The following PSMA8 variants were observed in gnomAD, a reference collection of about 807,000 sequenced individuals.
PSMA8 encodes the protein proteasome 20S subunit alpha 8.
PSMA8 carries 18 observed loss-of-function variants against 32.4 expected under a neutral mutation model. That is an observed-to-expected ratio of 0.56 (90% CI 0.38 to 0.82). The LOEUF is 0.82. Among genes scored for constraint, PSMA8 ranks in the 40% least tolerant of loss-of-function variants. The probability of loss-of-function intolerance (pLI) is 0.00; values close to 1 mark genes in which losing one functional copy is unlikely to be tolerated. For missense variants in PSMA8, 298 were observed against 300.7 expected (o/e 0.99, Z 0.07); for synonymous variants, 104 against 98.1 (o/e 1.06, Z -0.36).
intron 4 of PSMA8, among the ~76,000 whole-genome samples, chr18:26,174,039 T>C (rs2055245759): frequency 6.6e-6 from 1 of 152,182 alleles, no homozygotes; most frequent in African/African-American, 2.4e-5. Context: ...TCTTACAGCT[T>C]TTTAAAATTG....
At chr18:26,134,230 A>T (rs577365038) in intron 1 of PSMA8, among the ~76,000 whole-genome samples, 163 bp downstream of exon 1, 2 of 152,160 alleles carry the variant, frequency 1.3e-5, no homozygotes, top group East Asian at 3.9e-4. Context: ...AGACTTCTAG[A>T]TTTGGGCCGG....
intron 3 of PSMA8, among the ~76,000 whole-genome samples, chr18:26,152,602 G>T (rs1409699773): frequency 6.6e-6 from 1 of 152,054 alleles, no homozygotes; most frequent in Non-Finnish European, 1.5e-5. Context: ...TGGGATTATA[G>T]GCATGAGCCA....
At chr18:26,134,130 C>T in intron 1 of PSMA8, 63 bp downstream of exon 1, 2 of 1,182,414 alleles carry the variant, frequency 1.7e-6, no homozygotes, top group Non-Finnish European at 2.5e-6. Context: ...CGTTACCCTG[C>T]TGCCCCAGCC....
intron 1 of PSMA8, among the ~76,000 whole-genome samples, chr18:26,137,750 GA>G (rs1389572861): frequency 6.6e-6 from 1 of 152,110 alleles, no homozygotes; most frequent in Non-Finnish European, 1.5e-5. Flanking sequence ...CCTGTCCTTA[GA>G]GATCCTACTA....
intron 6 of PSMA8, among the ~76,000 whole-genome samples, chr18:26,188,480 A>G (rs2055374739): frequency 6.6e-6 from 1 of 152,132 alleles, no homozygotes; most frequent in African/African-American, 2.4e-5. Context: ...TCACAGAAAT[A>G]TAAAAAAAAA....
intron 3 of PSMA8, among the ~76,000 whole-genome samples, chr18:26,155,099 G>A (rs2055078144): frequency 6.6e-6 from 1 of 152,070 alleles, no homozygotes; most frequent in Admixed American, 6.6e-5. Context: ...GCTGGATGTG[G>A]TGGTGCGCAC....
chr18:26,186,647 C>T, intron 6 of PSMA8, among the ~76,000 whole-genome samples: 1 of 152,134 alleles, frequency 6.6e-6, no homozygotes, highest in East Asian at 1.9e-4. Context: ...ATATGTACTT[C>T]TTAAATCACT....
chr18:26,150,724 T>C (rs544927090), intron 2 of PSMA8, among the ~76,000 whole-genome samples: 25 of 152,354 alleles, frequency 1.6e-4, no homozygotes, highest in African/African-American at 6.0e-4. Context: ...GACAAACTTA[T>C]CACTATTTTT....
At position 26,144,604 on chromosome 18, in the gene PSMA8, A is replaced by T. The variant is rs754684950; in HGVS notation, c.148A>T (p.Lys50Ter). 6.2e-7 allele frequency: 1 copy of T among 1,613,764 alleles called. No homozygotes were observed. The change falls in exon 2 of 7, where the codon AAA becomes TAA. Residue 50 changes from lysine (K) to a stop codon, truncating the protein, a stop_gained. Transcript: ENST00000415576. LOFTEE classifies it high-confidence loss of function. ...TNIVVLGVEK[K>*]SVAKLQDERT... The stretch of plus-strand genomic sequence containing the variant: ...TATAGTTGTTCTTGGGGTAGAAAAA[A>T]AATCTGTTGCCAAGCTTCAAGATGA...
intron 4 of PSMA8, 48 bp downstream of exon 4, chr18:26,158,292 C>A (rs2055107431): frequency 7.0e-7 from 1 of 1,425,986 alleles, no homozygotes; most frequent in African/African-American, 1.4e-5. Context: ...AGTAAATATT[C>A]AATGTAAATG....
In PSMA8 at chr18:26,154,083, G is replaced by A. The variant is rs1041463879; in HGVS notation, c.354+2101G>A. ...CACCTGGCTAACTTTTGTATTTTTT[G>A]TACAGATGATGTTTCACCATGTTGG... On this transcript the variant is annotated intron_variant, in intron 3 of 6. Coordinates refer to ENST00000415576, the MANE Select transcript of PSMA8 (RefSeq NM_001025096.2). 2.6e-5 allele frequency among the ~76,000 whole-genome samples: 4 copies of A among 152,028 alleles called. No individual in the cohort carries two copies. In the South Asian group the frequency reaches 8.3e-4, roughly 32 times the overall value.
chr18:26,160,264 C>T (rs2055125084), intron 4 of PSMA8, among the ~76,000 whole-genome samples: 1 of 152,120 alleles, frequency 6.6e-6, no homozygotes, highest in Non-Finnish European at 1.5e-5. Context: ...AGGATCATAC[C>T]ACTGCACTCC....
Position 26,133,930 on chromosome 18 carries a change from G to A in PSMA8, c.-36G>A, listed in dbSNP as rs777581485. 6.4e-7 allele frequency: 1 copy of A among 1,559,830 alleles called. No individual in the cohort carries two copies. Among genetic ancestry groups the A allele is most frequent in the East Asian group, 2.3e-5 (1 of 44,412 alleles). On this transcript the variant is annotated 5_prime_UTR_variant, in exon 1 of 7. Transcript: ENST00000415576. Reference sequence around the variant, plus strand: ...CCCCGCTTGCCTCAGCTGCAGCAGCGGGAAGCTCGGTGGCAAGCCCTTGTA... The same window carrying A: ...CCCCGCTTGCCTCAGCTGCAGCAGCAGGAAGCTCGGTGGCAAGCCCTTGTA...
rs112187074 is a variant in PSMA8 at position 26,164,476 on chromosome 18, A to G, written c.477+6232A>G. 7.3e-3 allele frequency among the ~76,000 whole-genome samples: 1,110 copies of G among 152,350 alleles called. 17 individuals are homozygous for G. Among genetic ancestry groups the G allele is most frequent in the African/African-American group, 0.025 (1,053 of 41,584 alleles). Reference sequence around the variant, plus strand: ...ATCTCCTATAAGAGGATAAACTGGCATTATATGCGTCCTGCTGTGATGCAA... The same window carrying G: ...ATCTCCTATAAGAGGATAAACTGGCGTTATATGCGTCCTGCTGTGATGCAA... On this transcript the variant is annotated intron_variant, in intron 4 of 6. Transcript: ENST00000415576.
chr18:26,184,207 A>T (rs1205597629), intron 6 of PSMA8, among the ~76,000 whole-genome samples: 3 of 150,750 alleles, frequency 2.0e-5, no homozygotes, highest in Non-Finnish European at 4.4e-5. Context: ...GTGTATTCAT[A>T]AACAGAGAGA....
intron 2 of PSMA8, 72 bp downstream of exon 2, chr18:26,144,757 G>A (rs982438258): frequency 3.6e-6 from 5 of 1,399,244 alleles, no homozygotes; most frequent in Admixed American, 3.7e-5. Flanking sequence ...CCTCAGTGCT[G>A]CAGTTGTGCT....
intron 3 of PSMA8, among the ~76,000 whole-genome samples, chr18:26,157,813 T>C (rs2055102113): frequency 6.6e-6 from 1 of 152,150 alleles, no homozygotes; most frequent in African/African-American, 2.4e-5. Context: ...CCAAAATGCA[T>C]GAAACAGGTC....
chr18:26,177,618 A>G (rs779333880), intron 4 of PSMA8, among the ~76,000 whole-genome samples: 1 of 152,218 alleles, frequency 6.6e-6, no homozygotes, highest in Non-Finnish European at 1.5e-5. Context: ...ACCCATAGCC[A>G]TGCAGCCAGG....
At chr18:26,134,340 G>GTGTGTGTGTGTGTGTGTGTGT (rs2054891597) in intron 1 of PSMA8, among the ~76,000 whole-genome samples, 3 of 135,110 alleles carry the variant, frequency 2.2e-5, no homozygotes, top group African/African-American at 1.0e-4. Flanking sequence ...TGTGTGTGTG[G>GTGTGTGTGTGTGTGTGTGTGT]GTGTGTGTGT....
Sources: allele counts gnomAD v4.1 joint callset (sites outside exome capture counted in the v4.1 genomes callset), GRCh38; gene constraint gnomAD v4.1.1; transcripts MANE v1.5; gene names NCBI Gene and HGNC (gene_info 2026-07-23, HGNC 2026-07-21).